SYNPR: variants seen among roughly 807,000 people sequenced by gnomAD.
SYNPR encodes synaptoporin.
SYNPR carries 23 observed loss-of-function variants against 32.9 expected under a neutral mutation model. That is an observed-to-expected ratio of 0.70 (90% CI 0.50 to 0.99). SYNPR has a LOEUF of 0.99. SYNPR is among the 50% of genes least tolerant of loss of function. SYNPR has a pLI of 0.00. For missense variants in SYNPR, 318 were observed against 349.3 expected (o/e 0.91, Z 0.71); for synonymous variants, 146 against 135.9 (o/e 1.07, Z -0.52).
At chr3:63,584,139 G>A (rs997252518) in intron 4 of SYNPR, among the ~76,000 whole-genome samples, 1 of 152,104 alleles carries the variant, frequency 6.6e-6, no homozygotes, top group African/African-American at 2.4e-5. Flanking sequence ...TTAGTTTCTG[G>A]TGTCCTTTAC....
intron 2 of SYNPR, among the ~76,000 whole-genome samples, chr3:63,406,903 G>A (rs545573549): frequency 6.6e-6 from 1 of 152,236 alleles, no homozygotes; most frequent in African/African-American, 2.4e-5. Flanking sequence ...AATAGATTTG[G>A]TGCCCTTTGG....
intron 4 of SYNPR, among the ~76,000 whole-genome samples, chr3:63,559,333 C>A (rs376003266): frequency 2.0e-5 from 3 of 152,112 alleles, no homozygotes; most frequent in African/African-American, 7.2e-5. Context: ...CAGCCTTGGC[C>A]TCCCAAAATG....
intron 3 of SYNPR, among the ~76,000 whole-genome samples, chr3:63,520,164 C>T (rs1314756508): frequency 6.6e-6 from 1 of 152,168 alleles, no homozygotes; most frequent in African/African-American, 2.4e-5. Flanking sequence ...GTCATGAATA[C>T]TTTAAGCCCT....
chr3:63,583,948 C>A (rs1703137460), intron 4 of SYNPR, among the ~76,000 whole-genome samples: 1 of 152,092 alleles, frequency 6.6e-6, no homozygotes, highest in Non-Finnish European at 1.5e-5. Flanking sequence ...GAACCACTTG[C>A]CCTGGGTTGG....
At chr3:63,355,289 A>G (rs1199747027) in intron 2 of SYNPR, among the ~76,000 whole-genome samples, 2 of 151,826 alleles carry the variant, frequency 1.3e-5, no homozygotes, top group Admixed American at 1.3e-4. Context: ...AAAAAAAAAA[A>G]AAAGTCCCAG....
At chr3:63,362,792 C>A (rs897586392) in intron 2 of SYNPR, among the ~76,000 whole-genome samples, 1 of 152,154 alleles carries the variant, frequency 6.6e-6, no homozygotes, top group Non-Finnish European at 1.5e-5. Context: ...AGCCTCTATC[C>A]AAAGATGCCA....
intron 2 of SYNPR, among the ~76,000 whole-genome samples, chr3:63,438,318 T>A (rs761361726): frequency 6.6e-6 from 1 of 152,198 alleles, no homozygotes; most frequent in Non-Finnish European, 1.5e-5. Context: ...CACAAACTTT[T>A]CCCTCTACTT....
intron 2 of SYNPR, among the ~76,000 whole-genome samples, chr3:63,435,837 T>C (rs1312930171): frequency 6.6e-6 from 1 of 152,228 alleles, no homozygotes; most frequent in Non-Finnish European, 1.5e-5. Context: ...CCTACCTTTA[T>C]AATTAAGAAA....
intron 2 of SYNPR, among the ~76,000 whole-genome samples, chr3:63,334,805 G>A (rs1246786689): frequency 6.7e-6 from 1 of 149,566 alleles, no homozygotes; most frequent in Non-Finnish European, 1.5e-5. Flanking sequence ...TTGATGCAAA[G>A]GTAATTGCCG....
At chr3:63,502,297 A>G (rs1464628376) in intron 3 of SYNPR, among the ~76,000 whole-genome samples, 1 of 151,972 alleles carries the variant, frequency 6.6e-6, no homozygotes, top group Non-Finnish European at 1.5e-5. Flanking sequence ...GATTTCTCAT[A>G]ATCCCCCTTC....
chr3:63,364,703 T>C (rs974390414), intron 2 of SYNPR, among the ~76,000 whole-genome samples: 5 of 152,192 alleles, frequency 3.3e-5, no homozygotes, highest in Non-Finnish European at 7.3e-5. Flanking sequence ...ACTTGTATTA[T>C]TAAGACTTCT....
chr3:63,264,833 C>T (rs1005195222), intron 2 of SYNPR, among the ~76,000 whole-genome samples: 4 of 152,136 alleles, frequency 2.6e-5, no homozygotes, highest in Admixed American at 2.0e-4. Context: ...GAGGGCAAGC[C>T]GGGGAAATTC....
chr3:63,382,426 A>G (rs1378020078), intron 2 of SYNPR, among the ~76,000 whole-genome samples: 1 of 152,250 alleles, frequency 6.6e-6, no homozygotes, highest in Admixed American at 6.5e-5. Context: ...TGGCACAGAT[A>G]GAAGTAAGGC....
intron 2 of SYNPR, among the ~76,000 whole-genome samples, chr3:63,383,971 A>AT (rs2088009047): frequency 6.6e-6 from 1 of 152,228 alleles, no homozygotes; most frequent in Non-Finnish European, 1.5e-5. Context: ...TATGGCAATA[A>AT]TTGTAAGTAT....
rs563560070 is a variant in SYNPR at position 63,551,545 on chromosome 3, C to T, written c.210-4998C>T. On this transcript the variant is annotated intron_variant, in intron 3 of 5. Coordinates refer to ENST00000478300, the MANE Select transcript of SYNPR (RefSeq NM_001130003.2). ...ATCATTTTACATTCTCCCCAGCAAA[C>T]ATGAAAGTTCCAATTTCTCTGCATC... Among the ~76,000 whole-genome samples, 5 of 152,322 alleles carry T rather than the reference C, an allele frequency of 3.3e-5. No individual in the cohort carries two copies. The East Asian group carries it at 9.7e-4, about 29-fold the overall frequency.
chr3:63,448,572 T>C (rs1263371361), intron 2 of SYNPR, among the ~76,000 whole-genome samples: 1 of 152,206 alleles, frequency 6.6e-6, no homozygotes, highest in Non-Finnish European at 1.5e-5. Flanking sequence ...CCTGTGACAT[T>C]CAAACTACCT....
chr3:63,244,673 C>G (rs2086271817), intron 1 of SYNPR, among the ~76,000 whole-genome samples: 1 of 152,042 alleles, frequency 6.6e-6, no homozygotes, highest in Non-Finnish European at 1.5e-5. Flanking sequence ...CAATGATAGC[C>G]CTGTTCCACA....
chr3:63,615,695 G>T lies in SYNPR; in HGVS notation c.*214G>T. ...GGAGATATATTATTCATCATAGATG[G>T]CTAATTGGAGAGTACCTTGTTATAT... On this transcript the variant is annotated 3_prime_UTR_variant, in exon 6 of 6. Coordinates refer to ENST00000478300, the MANE Select transcript of SYNPR (RefSeq NM_001130003.2). 1.8e-6 allele frequency: 1 copy of T among 558,670 alleles called. No individual in the cohort carries two copies. Among genetic ancestry groups the T allele is most frequent in the Non-Finnish European group, 3.0e-6 (1 of 329,054 alleles). The allele number at this position is 558,670 out of a possible 1,614,324, so 34.6% of individuals were successfully genotyped here. A position where few individuals can be genotyped will look rare whatever the true frequency, so the allele number is the denominator to read the frequency against.
intron 2 of SYNPR, among the ~76,000 whole-genome samples, chr3:63,449,571 CT>C (rs1472657313): frequency 6.6e-6 from 1 of 152,190 alleles, no homozygotes; most frequent in Non-Finnish European, 1.5e-5. Context: ...CAAATTGCCC[CT>C]GGCTGAGAAC....
Sources: allele counts gnomAD v4.1 joint callset (sites outside exome capture counted in the v4.1 genomes callset), GRCh38; gene constraint gnomAD v4.1.1; transcripts MANE v1.5; gene names NCBI Gene and HGNC (gene_info 2026-07-23, HGNC 2026-07-21).